The following CRB1 variants were observed in gnomAD, a reference collection of about 807,000 sequenced individuals.
CRB1 encodes protein crumbs homolog 1.
CRB1 carries 83 observed loss-of-function variants against 120.0 expected under a neutral mutation model. That is an observed-to-expected ratio of 0.69 (90% CI 0.58 to 0.83). The LOEUF (loss-of-function observed/expected upper bound fraction) is 0.83, where lower values mean the gene tolerates loss of function less well. Among genes scored for constraint, CRB1 ranks in the 40% least tolerant of loss-of-function variants. The probability of loss-of-function intolerance (pLI) is 0.00; values close to 1 mark genes in which losing one functional copy is unlikely to be tolerated. For synonymous variants in CRB1, 625 were observed against 612.5 expected, an observed-to-expected ratio of 1.02 and a Z score of -0.30; for missense variants, 1,699 against 1,687.6, an observed-to-expected ratio of 1.01 and a Z score of -0.12.
intron 8 of CRB1, among the ~76,000 whole-genome samples, chr1:197,431,537 A>C (rs981757478): frequency 6.6e-6 from 1 of 152,168 alleles, no homozygotes; most frequent in African/African-American, 2.4e-5. Context: ...GCTATGTTCT[A>C]CCTGGTGTCC....
intron 1 of CRB1, among the ~76,000 whole-genome samples, chr1:197,284,582 T>C (rs1340604251): frequency 6.6e-6 from 1 of 151,882 alleles, no homozygotes; most frequent in Non-Finnish European, 1.5e-5. Context: ...TTATCTTGCA[T>C]CAATATAGGT....
intron 1 of CRB1, among the ~76,000 whole-genome samples, chr1:197,297,405 G>A (rs10801601): frequency 0.35 from 52,800 of 151,894 alleles, 11,604 homozygotes; most frequent in East Asian, 0.78. Flanking sequence ...AAGGATCCAC[G>A]ATGAACCTGA....
chr1:197,432,053 C>T (rs879494222), intron 8 of CRB1, among the ~76,000 whole-genome samples: 3 of 151,968 alleles, frequency 2.0e-5, no homozygotes, highest in Non-Finnish European at 4.4e-5. Flanking sequence ...CTGTATCGTA[C>T]CAAGATTTAA....
At chr1:197,209,535 A>G in the CRB1 span, among the ~76,000 whole-genome samples, 6 of 152,016 alleles carry the variant, frequency 3.9e-5, no homozygotes, top group Non-Finnish European at 8.8e-5. Context: ...TTTAGTAAGG[A>G]CAGGGTTTCC....
At chr1:197,206,523 C>T in the CRB1 span, among the ~76,000 whole-genome samples, 1 of 152,090 alleles carries the variant, frequency 6.6e-6, no homozygotes, top group African/African-American at 2.4e-5. Context: ...AATGATCATT[C>T]AGGAGCAAGT....
At chr1:197,382,925 C>G (rs1662029528) in intron 5 of CRB1, among the ~76,000 whole-genome samples, 1 of 152,172 alleles carries the variant, frequency 6.6e-6, no homozygotes, top group Non-Finnish European at 1.5e-5. Flanking sequence ...ACTGACCTCT[C>G]AGGATGCAGA....
At chr1:197,403,790 C>T (rs995140881) in intron 5 of CRB1, among the ~76,000 whole-genome samples, 1 of 152,142 alleles carries the variant, frequency 6.6e-6, no homozygotes, top group Admixed American at 6.5e-5. Flanking sequence ...CTCTCTCCCT[C>T]TCTCCCCCTG....
chr1:197,458,148 C>T (rs528481259), intron 11 of CRB1, among the ~76,000 whole-genome samples: 10 of 152,042 alleles, frequency 6.6e-5, no homozygotes, highest in Non-Finnish European at 1.2e-4. Context: ...AGATAATCAA[C>T]GTCAACACAC....
intron 11 of CRB1, chr1:197,444,497 C>T (rs1489158816): frequency 6.6e-6 from 1 of 152,160 alleles, no homozygotes; most frequent in Admixed American, 6.5e-5. Context: ...TATAGCCAGA[C>T]CATATGTATA....
chr1:197,406,270 C>A (rs938180446), intron 5 of CRB1, among the ~76,000 whole-genome samples: 1 of 152,150 alleles, frequency 6.6e-6, no homozygotes, highest in African/African-American at 2.4e-5. Flanking sequence ...TGATCTGTGA[C>A]CTTACCCCCA....
the CRB1 span, among the ~76,000 whole-genome samples, chr1:197,211,110 T>C: frequency 8.5e-5 from 13 of 152,226 alleles, 1 homozygote; most frequent in South Asian, 2.7e-3. Context: ...CACAATTCTC[T>C]ATGACAGGGG....
At chr1:197,326,082 A>G (rs1658478100) in intron 1 of CRB1, among the ~76,000 whole-genome samples, 1 of 152,234 alleles carries the variant, frequency 6.6e-6, no homozygotes. Context: ...CAATAATTAT[A>G]CATTTAAATA....
Position 197,325,106 on chromosome 1 carries a change from C to T in CRB1, c.71-3316C>T, listed in dbSNP as rs576279474. 2.8e-4 allele frequency among the ~76,000 whole-genome samples: 43 copies of T among 152,292 alleles called. No individual in the cohort carries two copies. The South Asian group carries it at 2.9e-3, about 10-fold the overall frequency. The stretch of plus-strand genomic sequence containing the variant: ...ATGGGAATTCAGGTTTCCTTGCTCA[C>T]TCATTCATTATTCAACAAATTTCTA... On this transcript the variant is annotated intron_variant, in intron 1 of 11. Transcript: ENST00000367400.
At chr1:197,442,740 G>T (rs1012522815) in intron 11 of CRB1, 14 of 273,688 alleles carry the variant, frequency 5.1e-5, no homozygotes, top group South Asian at 2.6e-4. Context: ...TCCATTTCTG[G>T]GTATTTTCAC....
chr1:197,252,653 C>CACAT, the CRB1 span, among the ~76,000 whole-genome samples: 21 of 135,092 alleles, frequency 1.6e-4, no homozygotes, highest in African/African-American at 5.7e-4. Flanking sequence ...CACACACACA[C>CACAT]ATATATATAA....
intron 1 of CRB1, among the ~76,000 whole-genome samples, chr1:197,293,372 T>G (rs1656316239): frequency 6.6e-6 from 1 of 152,096 alleles, no homozygotes; most frequent in South Asian, 2.1e-4. Context: ...GAAGGACCTC[T>G]TCAAGGAGAA....
chr1:197,409,135 G>C (rs1384292496), intron 5 of CRB1, among the ~76,000 whole-genome samples: 2 of 152,174 alleles, frequency 1.3e-5, no homozygotes, highest in East Asian at 3.8e-4. Context: ...GTGTGTATAT[G>C]TATCTCTTGC....
chr1:197,365,413 T>A (rs1459189976), intron 5 of CRB1, among the ~76,000 whole-genome samples: 1 of 152,042 alleles, frequency 6.6e-6, no homozygotes, highest in East Asian at 1.9e-4. Flanking sequence ...TCACAACTGC[T>A]AAGGAAGGAA....
intron 5 of CRB1, among the ~76,000 whole-genome samples, chr1:197,395,842 T>C (rs1662743719): frequency 6.6e-6 from 1 of 152,066 alleles, no homozygotes; most frequent in Admixed American, 6.6e-5. Context: ...TAAAGGAAAC[T>C]TCCTCAGCCT....
Sources: allele counts gnomAD v4.1 joint callset (sites outside exome capture counted in the v4.1 genomes callset), GRCh38; gene constraint gnomAD v4.1.1; transcripts MANE v1.5; gene names NCBI Gene and HGNC (gene_info 2026-07-23, HGNC 2026-07-21).